The following NRXN1 variants were observed in gnomAD, a reference collection of about 807,000 sequenced individuals.
NRXN1 encodes neurexin 1, also known as neurexin-1.
A neutral mutation model predicts 150.9 loss-of-function variants in NRXN1; 39 were observed. The observed-to-expected ratio is 0.26, with a 90% confidence interval of 0.20 to 0.34. NRXN1 has a LOEUF of 0.34. Ranked by LOEUF, NRXN1 falls within the 10% of genes least tolerant of loss-of-function variation. NRXN1 has a pLI of 1.00. For missense variants in NRXN1, 1,815 were observed against 1,949.9 expected (o/e 0.93, Z 1.30); for synonymous variants, 924 against 757.0 (o/e 1.22, Z -3.62).
chr2:50,715,283 G>C (rs1398627454), intron 5 of NRXN1, among the ~76,000 whole-genome samples: 1 of 152,118 alleles, frequency 6.6e-6, no homozygotes, highest in Admixed American at 6.6e-5. Context: ...ATGGTGATGT[G>C]AACATGGGAT....
chr2:50,506,505 C>A lies in NRXN1; in HGVS notation c.2487G>T (p.Gln829His). 6.2e-7 allele frequency: 1 copy of A among 1,612,776 alleles called. No individual in the cohort carries two copies. The highest frequency in any genetic ancestry group is 8.5e-7 in the Non-Finnish European group (1 of 1,179,236). Reference protein sequence around the residue: ...KSLKLTVDDQQAMTGQMAGDH... With the variant: ...KSLKLTVDDQHAMTGQMAGDH... ...GACAGAGGTGTTTACCTGTCATGGCCTGTTGGTCATCCACTGTTAACTTTA... is the reference window on the plus strand; with the variant it reads ...GACAGAGGTGTTTACCTGTCATGGCATGTTGGTCATCCACTGTTAACTTTA... The change falls in exon 13 of 23, where the codon CAG becomes CAT. Residue 829 changes from glutamine to histidine, a missense_variant. Gln to His is a conservative substitution (Grantham distance 24). This residue lies in a region of NRXN1 where 638 missense variants were observed against 652.6 expected (regional missense o/e 0.98). Transcript: ENST00000401669.
At chr2:50,255,651 CAGAGGTGA>C (rs2067626775) in intron 17 of NRXN1, among the ~76,000 whole-genome samples, 1 of 152,112 alleles carries the variant, frequency 6.6e-6, no homozygotes, top group African/African-American at 2.4e-5. Flanking sequence ...ATAGAACACT[CAGAGGTGA>C]AGCAGGCTTC....
At chr2:50,651,507 GACATA>G (rs552235633) in intron 5 of NRXN1, among the ~76,000 whole-genome samples, 254 of 145,746 alleles carry the variant, frequency 1.7e-3, no homozygotes, top group African/African-American at 5.7e-3. Flanking sequence ...GACATGACAT[GACATA>G]ACATGACATA....
chr2:50,113,867 A>G (rs530515018), intron 18 of NRXN1, among the ~76,000 whole-genome samples: 10 of 152,272 alleles, frequency 6.6e-5, no homozygotes, highest in African/African-American at 2.4e-4. Flanking sequence ...TCTATTGAAC[A>G]CTAATCATTC....
chr2:50,407,825 C>A (rs568957278), intron 17 of NRXN1, among the ~76,000 whole-genome samples: 12 of 152,018 alleles, frequency 7.9e-5, no homozygotes, highest in African/African-American at 2.9e-4. Context: ...AAATATATTC[C>A]ATTTCTTTAT....
At chr2:50,688,744 A>C (rs1691627961) in intron 5 of NRXN1, among the ~76,000 whole-genome samples, 1 of 152,194 alleles carries the variant, frequency 6.6e-6, no homozygotes, top group African/African-American at 2.4e-5. Context: ...AAGGGCCTCC[A>C]TCTTCCAAAC....
At chr2:50,385,582 G>A (rs535074403) in intron 17 of NRXN1, among the ~76,000 whole-genome samples, 1 of 152,110 alleles carries the variant, frequency 6.6e-6, no homozygotes, top group Non-Finnish European at 1.5e-5. Flanking sequence ...TGCCATTTTC[G>A]TATTTCTTTT....
chr2:50,215,798 T>A (rs931118207), intron 18 of NRXN1, among the ~76,000 whole-genome samples: 3 of 152,054 alleles, frequency 2.0e-5, no homozygotes, highest in Non-Finnish European at 4.4e-5. Context: ...GAGCAGGCAA[T>A]TATTTTTATC....
chr2:50,476,518 T>C (rs2090000931), intron 15 of NRXN1, among the ~76,000 whole-genome samples: 1 of 150,952 alleles, frequency 6.6e-6, no homozygotes, highest in Non-Finnish European at 1.5e-5. Context: ...AAGCATCTAG[T>C]ATACAGCATG....
intron 8 of NRXN1, among the ~76,000 whole-genome samples, chr2:50,600,406 C>T (rs1345644958): frequency 6.8e-6 from 1 of 147,928 alleles, no homozygotes; most frequent in Admixed American, 6.9e-5. Flanking sequence ...CTCACTGCAA[C>T]CTCCACCTCC....
chr2:50,268,457 G>A (rs114488649), intron 17 of NRXN1, among the ~76,000 whole-genome samples: 1 of 152,132 alleles, frequency 6.6e-6, no homozygotes, highest in Non-Finnish European at 1.5e-5. Flanking sequence ...TTGTCCTTCT[G>A]TATCTATTTT....
intron 17 of NRXN1, among the ~76,000 whole-genome samples, chr2:50,426,445 T>G (rs906078717): frequency 2.0e-5 from 3 of 152,348 alleles, no homozygotes; most frequent in Admixed American, 6.5e-5. Flanking sequence ...ATGTATTTTA[T>G]AAATGAATTT....
At chr2:50,869,900 T>C (rs1186843458) in intron 5 of NRXN1, among the ~76,000 whole-genome samples, 1 of 151,878 alleles carries the variant, frequency 6.6e-6, no homozygotes, top group Non-Finnish European at 1.5e-5. Context: ...ATTCATTTAT[T>C]GAATAAACAG....
At chr2:50,500,048 AC>A (rs2104941543) in intron 13 of NRXN1, among the ~76,000 whole-genome samples, 2 of 151,870 alleles carry the variant, frequency 1.3e-5, no homozygotes, top group South Asian at 4.2e-4. Flanking sequence ...AGTGACCCCT[AC>A]CCTGATCCTG....
chr2:50,422,241 G>C (rs1033493037), intron 17 of NRXN1, among the ~76,000 whole-genome samples: 1 of 152,004 alleles, frequency 6.6e-6, no homozygotes, highest in Admixed American at 6.6e-5. Context: ...GGCTCTAATT[G>C]CACACAATGT....
intron 18 of NRXN1, among the ~76,000 whole-genome samples, chr2:50,139,627 A>G (rs1027071862): frequency 6.6e-6 from 1 of 152,066 alleles, no homozygotes; most frequent in Non-Finnish European, 1.5e-5. Context: ...AAAACAAAAC[A>G]CCACCAGTAA....
chr2:50,053,293 G>C lies in NRXN1; in HGVS notation c.4106C>G (p.Pro1369Arg). Residue 1369 changes from proline to arginine, a missense_variant, in exon 21 of 23, where the codon CCG (proline) becomes CGG (arginine). Coordinates refer to ENST00000401669, the MANE Select transcript of NRXN1 (RefSeq NM_001330078.2). ...CACCTGGCTAATGGGTTCTTTTGTC[G>C]GGGGCTTTCCTCTTCTGGCTGTGCT... Reference protein sequence around the residue: ...ATSTARRGKPPTKEPISQTTD... With the variant: ...ATSTARRGKPRTKEPISQTTD... 6.2e-7 allele frequency: 1 copy of C among 1,613,850 alleles called. No individual in the cohort carries two copies. Among genetic ancestry groups the C allele is most frequent in the Non-Finnish European group, 8.5e-7 (1 of 1,179,846 alleles).
intron 18 of NRXN1, among the ~76,000 whole-genome samples, chr2:50,218,229 C>T (rs1470442741): frequency 6.6e-6 from 1 of 151,958 alleles, no homozygotes; most frequent in African/African-American, 2.4e-5. Flanking sequence ...ATATCTCATC[C>T]ACATTTCTAT....
rs1213149654 is a variant in NRXN1 at position 50,347,606 on chromosome 2, C to G, written c.3365-110636G>C. 9.9e-7 allele frequency: 1 copy of G among 1,009,572 alleles called. No homozygotes were observed. Among genetic ancestry groups the G allele is most frequent in the East Asian group, 1.1e-4 (1 of 8,978 alleles). The allele number at this position is 1,009,572 out of a possible 1,614,324, so 62.5% of individuals were successfully genotyped here. A position where few individuals can be genotyped will look rare whatever the true frequency, so the allele number is the denominator to read the frequency against. ...GAGGCAATCTCCGCGTCCGCCGCCT[C>G]CTGACACTTACGCCCGGCGAGGGGT... On this transcript the variant is annotated intron_variant, in intron 17 of 22. Coordinates refer to ENST00000401669, the MANE Select transcript of NRXN1 (RefSeq NM_001330078.2). The surrounding 1 kb of genome is among the most constrained non-coding windows in gnomAD (Gnocchi z 4.9).
Sources: gnomAD v4.1 joint callset for allele counts (sites outside exome capture counted in the v4.1 genomes callset) on GRCh38, gnomAD v4.1.1 for gene constraint, gnomAD v4.1.1 regional missense constraint, Gnocchi (gnomAD v3.1) non-coding constraint, MANE v1.5 for transcripts, NCBI Gene and HGNC (gene_info 2026-07-23, HGNC 2026-07-21) for gene names.